Variants in CHSY3 observed in about 807,000 individuals in gnomAD.
CHSY3 encodes N-acetylgalactosaminyl-proteoglycan 3-beta-glucuronosyltransferase 3.
A neutral mutation model predicts 67.2 loss-of-function variants in CHSY3; 35 were observed. The ratio of observed to expected loss-of-function variants is 0.52; its 90% CI spans 0.40 to 0.69. CHSY3 has a LOEUF of 0.69. Ranked by LOEUF, CHSY3 falls within the 30% of genes least tolerant of loss-of-function variation. The probability of loss-of-function intolerance (pLI) is 0.00; values close to 1 mark genes in which losing one functional copy is unlikely to be tolerated. For synonymous variants in CHSY3, 474 were observed against 434.7 expected (o/e 1.09, Z -1.12); for missense variants, 1,069 against 1,138.5 (o/e 0.94, Z 0.88).
rs1760167763 is a variant in CHSY3 at position 129,904,759 on chromosome 5, G to C, written c.-71G>C. The stretch of plus-strand genomic sequence containing the variant: ...GGGGGCGCAAAGGCGGAGGAGGGGC[G>C]GGTGTGAGCCGGGGAAACCGCGTGC... On this transcript the variant is annotated 5_prime_UTR_variant, in exon 1 of 3. Coordinates refer to ENST00000305031, the MANE Select transcript of CHSY3 (RefSeq NM_175856.5). 2 of 1,259,038 alleles carry C rather than the reference G, an allele frequency of 1.6e-6. No homozygotes were observed. Among genetic ancestry groups the C allele is most frequent in the Non-Finnish European group, 2.0e-6 (2 of 1,004,010 alleles). 78.0% of individuals were successfully genotyped at this position (1,259,038 alleles called of 1,614,324 possible). A position where few individuals can be genotyped will look rare whatever the true frequency, so the allele number is the denominator to read the frequency against.
rs533859116 is a variant in CHSY3 at position 129,954,461 on chromosome 5, G to A, written c.1086+46101G>A. 5.5e-5 allele frequency among the ~76,000 whole-genome samples: 8 copies of A among 145,624 alleles called. No homozygotes were observed. In the East Asian group the frequency reaches 1.4e-3, roughly 25 times the overall value. On this transcript the variant is annotated intron_variant, in intron 2 of 2. Transcript: ENST00000305031. ...TTGCTTAGGATTGTCTTGGCTATAC[G>A]GTTTTTTTTTTTTGGTTCCATATGA...
At position 130,104,997 on chromosome 5, in the gene CHSY3, G is replaced by A. The variant is rs184691746; in HGVS notation, c.1087-79232G>A. Among the ~76,000 whole-genome samples, 496 of 151,716 alleles carry A rather than the reference G, an allele frequency of 3.3e-3. 1 individual carries two copies. The highest frequency in any genetic ancestry group is 5.3e-3 in the Non-Finnish European group (361 of 67,660). ...AGTTAGGGTTTGGGTTAGACTGATA[G>A]ACAGTCAGGGTTTAGCTTAGACTTA... On this transcript the variant is annotated intron_variant, in intron 2 of 2. Coordinates refer to ENST00000305031, the MANE Select transcript of CHSY3 (RefSeq NM_175856.5).
intron 2 of CHSY3, among the ~76,000 whole-genome samples, chr5:130,065,232 TAAG>T (rs1484923996): frequency 1.3e-5 from 2 of 152,124 alleles, no homozygotes; most frequent in Non-Finnish European, 2.9e-5. Flanking sequence ...CACTTTAAAA[TAAG>T]AAGAACACCT....
chr5:130,072,083 TG>T lies in CHSY3; in HGVS notation c.1087-112145del, dbSNP rs1175562778. On this transcript the variant is annotated intron_variant, in intron 2 of 2. Transcript: ENST00000305031. The stretch of plus-strand genomic sequence containing the variant: ...GTATTGAGTTTTTTTGAGTTCCTTA[TG>T]TATTTTTTATATTAACCCCTTATCA... Among the ~76,000 whole-genome samples, 5 of 152,222 alleles carry T rather than the reference TG, an allele frequency of 3.3e-5. No homozygotes were observed. In the East Asian group the frequency reaches 9.7e-4, roughly 29 times the overall value.
At chr5:130,033,611 T>C (rs1456506423) in intron 2 of CHSY3, among the ~76,000 whole-genome samples, 1 of 152,194 alleles carries the variant, frequency 6.6e-6, no homozygotes, top group East Asian at 1.9e-4. Context: ...TCTATGTATT[T>C]TTAACCATTA....
In CHSY3 at chr5:129,962,645, ATGCTCTC is replaced by A. The variant is rs1206602441; in HGVS notation, c.1086+54300_1086+54306del. 7.2e-5 allele frequency among the ~76,000 whole-genome samples: 11 copies of A among 152,104 alleles called. No homozygotes were observed. The East Asian group carries it at 1.4e-3, about 19-fold the overall frequency. Reference sequence around the variant, plus strand: ...CTGTGTGCTTTTGCAGCTCTGTCTCATGCTCTCTGCTCTCTGCTCTCCAACCACCACA... The same window carrying A: ...CTGTGTGCTTTTGCAGCTCTGTCTCATGCTCTCTGCTCTCCAACCACCACA... On this transcript the variant is annotated intron_variant, in intron 2 of 2. Coordinates refer to ENST00000305031, the MANE Select transcript of CHSY3 (RefSeq NM_175856.5).
At chr5:130,039,026 T>C (rs976431333) in intron 2 of CHSY3, among the ~76,000 whole-genome samples, 1 of 152,082 alleles carries the variant, frequency 6.6e-6, no homozygotes, top group African/African-American at 2.4e-5. Context: ...CAAAAATTAT[T>C]AGAGAAGAAA....
At chr5:130,157,738 A>G (rs1291859074) in intron 2 of CHSY3, among the ~76,000 whole-genome samples, 1 of 145,650 alleles carries the variant, frequency 6.9e-6, no homozygotes, top group Non-Finnish European at 1.5e-5. Context: ...AAGCAAGTTT[A>G]TTTAAAAAGT....
chr5:129,932,013 T>A (rs1761324311), intron 2 of CHSY3, among the ~76,000 whole-genome samples: 2 of 151,274 alleles, frequency 1.3e-5, no homozygotes, highest in African/African-American at 4.9e-5. Context: ...AATAATAGGA[T>A]GTATGAAAAA....
intron 2 of CHSY3, among the ~76,000 whole-genome samples, chr5:130,087,893 A>G (rs1390408376): frequency 6.6e-6 from 1 of 151,782 alleles, no homozygotes; most frequent in African/African-American, 2.4e-5. Context: ...GAACCAAAAA[A>G]GAGCCCACAT....
intron 2 of CHSY3, among the ~76,000 whole-genome samples, chr5:130,144,219 G>C (rs76310853): frequency 2.6e-5 from 4 of 151,652 alleles, no homozygotes; most frequent in African/African-American, 9.7e-5. Context: ...ACTTTAGAAC[G>C]CAGAAAAATC....
intron 2 of CHSY3, among the ~76,000 whole-genome samples, chr5:130,094,462 A>C (rs1766982650): frequency 6.6e-6 from 1 of 152,090 alleles, no homozygotes; most frequent in Non-Finnish European, 1.5e-5. Context: ...TGCGCTATTT[A>C]ATTCTAATTA....
intron 2 of CHSY3, among the ~76,000 whole-genome samples, chr5:129,966,364 T>C (rs1762468297): frequency 6.6e-6 from 1 of 151,828 alleles, no homozygotes; most frequent in Non-Finnish European, 1.5e-5. Context: ...TAAAATTTGC[T>C]GCACTGCACA....
intron 2 of CHSY3, among the ~76,000 whole-genome samples, chr5:130,057,419 A>G (rs944113761): frequency 6.6e-6 from 1 of 151,972 alleles, no homozygotes; most frequent in Non-Finnish European, 1.5e-5. Context: ...CACTCTTATC[A>G]CTGTTTTCTG....
chr5:130,106,877 G>A (rs1337558319), intron 2 of CHSY3, among the ~76,000 whole-genome samples: 3 of 151,556 alleles, frequency 2.0e-5, no homozygotes, highest in African/African-American at 7.2e-5. Context: ...GAATGCTAAG[G>A]AAGGTTCATA....
At position 129,905,615 on chromosome 5, in the gene CHSY3, C is replaced by T. The variant is rs1760252702; in HGVS notation, c.786C>T (p.Asp262=). ...DKYEWFMRAD[D]DVYIKGDKLE... is the part of the protein sequence containing the mutation. Reference sequence around the variant, plus strand: ...ATGAGTGGTTCATGCGCGCCGACGACGATGTCTACATCAAAGGTGACCTCC... The same window carrying T: ...ATGAGTGGTTCATGCGCGCCGACGATGATGTCTACATCAAAGGTGACCTCC... The change falls in exon 1 of 3, where the codon GAC becomes GAT. Residue 262 remains aspartate, a synonymous_variant. Transcript: ENST00000305031. 3.7e-6 allele frequency: 6 copies of T among 1,613,602 alleles called. No individual in the cohort carries two copies. The East Asian group carries it at 1.1e-4, about 30-fold the overall frequency.
chr5:130,065,836 G>A (rs1429600927), intron 2 of CHSY3, among the ~76,000 whole-genome samples: 4 of 152,054 alleles, frequency 2.6e-5, no homozygotes, highest in African/African-American at 9.7e-5. Context: ...TTACTAAACT[G>A]AAATGTCTGG....
chr5:129,904,798 C>T lies in CHSY3; in HGVS notation c.-32C>T. 7.4e-7 allele frequency: 1 copy of T among 1,360,056 alleles called. No homozygotes were observed. 84.2% of individuals were successfully genotyped at this position (1,360,056 alleles called of 1,614,324 possible). ...GAAACCGCGTGCCGCGCCGCGACAG[C>T]CCAGCGAGCGTCCGCGCCCGGGACA... On this transcript the variant is annotated 5_prime_UTR_variant, in exon 1 of 3. Coordinates refer to ENST00000305031, the MANE Select transcript of CHSY3 (RefSeq NM_175856.5).
rs114253368 is a variant in CHSY3 at position 129,972,997 on chromosome 5, G to T, written c.1086+64637G>T. ...GATGAGTCAATCATGCTTTTTCATG[G>T]TGAGTTTTATGCCTTGTGTTGCTCT... On this transcript the variant is annotated intron_variant, in intron 2 of 2. Transcript: ENST00000305031. 9.5e-3 allele frequency among the ~76,000 whole-genome samples: 1,440 copies of T among 151,990 alleles called. 21 individuals are homozygous for T. Among genetic ancestry groups the T allele is most frequent in the African/African-American group, 0.033 (1,349 of 41,452 alleles).
Sources: allele counts gnomAD v4.1 joint callset (sites outside exome capture counted in the v4.1 genomes callset), GRCh38; gene constraint gnomAD v4.1.1; transcripts MANE v1.5; gene names NCBI Gene and HGNC (gene_info 2026-07-23, HGNC 2026-07-21).